FAM13C: variants seen among roughly 807,000 people sequenced by gnomAD.
FAM13C encodes the protein protein FAM13C.
A neutral mutation model predicts 73.2 loss-of-function variants in FAM13C; 37 were observed. The ratio of observed to expected loss-of-function variants is 0.51; its 90% CI spans 0.39 to 0.67. The LOEUF (loss-of-function observed/expected upper bound fraction) is 0.67. FAM13C is among the 30% of genes least tolerant of loss of function. The pLI, the probability that FAM13C is intolerant of heterozygous loss-of-function variation, is 0.00. For missense variants in FAM13C, 589 were observed against 715.6 expected, an observed-to-expected ratio of 0.82 and a Z score of 2.02; for synonymous variants, 246 against 260.9, an observed-to-expected ratio of 0.94 and a Z score of 0.55.
intron 5 of FAM13C, among the ~76,000 whole-genome samples, chr10:59,300,143 G>A (rs1031639104): frequency 1.9e-4 from 29 of 152,232 alleles, no homozygotes; most frequent in African/African-American, 6.7e-4. Context: ...AGAAGACCTC[G>A]GGTCAAGTGC....
intron 6 of FAM13C, among the ~76,000 whole-genome samples, chr10:59,280,799 G>A (rs149561649): frequency 9.9e-4 from 151 of 152,288 alleles, no homozygotes; most frequent in African/African-American, 3.3e-3. Flanking sequence ...TCTCTTACTA[G>A]GTGGAACTGA....
intron 8 of FAM13C, 65 bp downstream of exon 8, chr10:59,268,488 G>A: frequency 6.3e-7 from 1 of 1,588,104 alleles, no homozygotes; most frequent in Non-Finnish European, 8.6e-7. Flanking sequence ...AGGAAGGACA[G>A]AGGCTGAGGA....
At chr10:59,260,559 T>C (rs974807837) in intron 10 of FAM13C, among the ~76,000 whole-genome samples, 13 of 152,192 alleles carry the variant, frequency 8.5e-5, no homozygotes, top group Non-Finnish European at 1.0e-4. Context: ...CTAATCCCTT[T>C]ATCTAAAGTA....
Position 59,336,166 on chromosome 10 carries a change from C to A in FAM13C, c.325-12060G>T, listed in dbSNP as rs371347089. Among the ~76,000 whole-genome samples, 43 of 152,250 alleles carry A rather than the reference C, an allele frequency of 2.8e-4. 1 individual carries two copies. The highest frequency in any genetic ancestry group is 9.4e-4 in the African/African-American group (39 of 41,554). On this transcript the variant is annotated intron_variant, in intron 3 of 13. Transcript: ENST00000618804. ...GCAAAGAGCACAGTAAAATTGTGCT[C>A]AAAAATAATCCAACATGGACTCTTC...
chr10:59,318,903 T>C (rs1344156786), intron 4 of FAM13C, among the ~76,000 whole-genome samples: 2 of 152,170 alleles, frequency 1.3e-5, no homozygotes, highest in South Asian at 4.1e-4. Flanking sequence ...ATCCTAGAAA[T>C]ATGCAGAGAT....
rs964715820 is a variant in FAM13C at position 59,246,284 on chromosome 10, A to G, written c.*1330T>C. Reference sequence around the variant, plus strand: ...ATTTGTAAACCTCAAATAGTTGTGTATCTGTCCTGTTAGAAGTAGATGACT... The same window carrying G: ...ATTTGTAAACCTCAAATAGTTGTGTGTCTGTCCTGTTAGAAGTAGATGACT... On this transcript the variant is annotated 3_prime_UTR_variant, in exon 14 of 14. Transcript: ENST00000618804. 3.0e-5 allele frequency: 5 copies of G among 168,480 alleles called. No individual in the cohort carries two copies. The highest frequency in any genetic ancestry group is 1.2e-4 in the African/African-American group (5 of 42,342). 10.4% of individuals were successfully genotyped at this position (168,480 alleles called of 1,614,324 possible).
At chr10:59,358,478 C>T (rs913858248) in intron 1 of FAM13C, among the ~76,000 whole-genome samples, 10 of 152,198 alleles carry the variant, frequency 6.6e-5, no homozygotes, top group Admixed American at 3.3e-4. Flanking sequence ...CCCCAAGTAC[C>T]GCTTTGTTCC....
chr10:59,267,251 T>A (rs1843166987), intron 8 of FAM13C, among the ~76,000 whole-genome samples: 1 of 152,180 alleles, frequency 6.6e-6, no homozygotes, highest in Admixed American at 6.5e-5. Context: ...GAAATAAACT[T>A]CTCCCAGGAT....
At chr10:59,253,038 G>T in intron 11 of FAM13C, 40 bp from the exon 12 acceptor site, 1 of 1,594,436 alleles carries the variant, frequency 6.3e-7, no homozygotes, top group Non-Finnish European at 8.6e-7. Context: ...GTCATGTAAT[G>T]CTCAGTGCCT....
chr10:59,317,751 A>G (rs1264423766), intron 4 of FAM13C, among the ~76,000 whole-genome samples: 2 of 150,534 alleles, frequency 1.3e-5, no homozygotes, highest in Non-Finnish European at 3.0e-5. Context: ...TTTTTCTTTT[A>G]TTATTATTAT....
chr10:59,290,302 C>T (rs939313733), intron 5 of FAM13C, among the ~76,000 whole-genome samples: 36 of 152,258 alleles, frequency 2.4e-4, no homozygotes, highest in African/African-American at 8.4e-4. Flanking sequence ...ACATTTAGTT[C>T]GTATGAAAGG....
chr10:59,354,002 T>A (rs1263019847), intron 2 of FAM13C, among the ~76,000 whole-genome samples: 1 of 152,184 alleles, frequency 6.6e-6, no homozygotes, highest in African/African-American at 2.4e-5. Flanking sequence ...TTGAAGTACA[T>A]TTTTCTCACT....
chr10:59,282,637 GTGACCTC>G (rs1359727094), intron 6 of FAM13C: 1 of 152,084 alleles, frequency 6.6e-6, no homozygotes, highest in Non-Finnish European at 1.5e-5. Context: ...CTGCAAACTT[GTGACCTC>G]TTTGTTATGT....
chr10:59,319,113 ACACACATT>A lies in FAM13C; in HGVS notation c.443+4867_443+4874del, dbSNP rs1355949237. Among the ~76,000 whole-genome samples, 910 of 139,488 alleles carry A rather than the reference ACACACATT, an allele frequency of 6.5e-3. 5 individuals carry two copies. The highest frequency in any genetic ancestry group is 0.025 in the African/African-American group (862 of 34,380). The allele number at this position is 139,488 out of a possible 152,430, so 91.5% of individuals were successfully genotyped here. A position where few individuals can be genotyped will look rare whatever the true frequency, so the allele number is the denominator to read the frequency against. On this transcript the variant is annotated intron_variant, in intron 4 of 13. Coordinates refer to ENST00000618804, the MANE Select transcript of FAM13C (RefSeq NM_198215.4). ...CACACACACACACACACACACACACACACACATTGTCTATCTCAAAAACAAAAGATGAA... is the reference window on the plus strand; with the variant it reads ...CACACACACACACACACACACACACAGTCTATCTCAAAAACAAAAGATGAA...
chr10:59,354,611 T>C (rs372529771), intron 2 of FAM13C, among the ~76,000 whole-genome samples: 28 of 152,030 alleles, frequency 1.8e-4, no homozygotes, highest in East Asian at 3.9e-4. Flanking sequence ...ATGCCTACCA[T>C]AGAAAGCTGA....
At chr10:59,342,697 C>T (rs565083488) in intron 3 of FAM13C, among the ~76,000 whole-genome samples, 5 of 152,218 alleles carry the variant, frequency 3.3e-5, no homozygotes, top group Non-Finnish European at 4.4e-5. Context: ...CTATGGGGTC[C>T]GAAATTGCAG....
In FAM13C at chr10:59,313,618, T is replaced by A. The variant is rs532935198; in HGVS notation, c.443+10370A>T. On this transcript the variant is annotated intron_variant, in intron 4 of 13. Coordinates refer to ENST00000618804, the MANE Select transcript of FAM13C (RefSeq NM_198215.4). ...AACTGGCAATTCAGTTGAGATTGAG[T>A]TGGGAAACCAACTTGTCCAAGGTAT... is the stretch of plus-strand genomic sequence containing the variant. Among the ~76,000 whole-genome samples the A allele has an allele frequency of 2.0e-5, 3 of 152,126 alleles. No homozygotes were observed. In the East Asian group the frequency reaches 5.8e-4, roughly 29 times the overall value.
intron 2 of FAM13C, 55 bp from the exon 3 acceptor site, chr10:59,352,529 G>T: frequency 2.0e-6 from 3 of 1,488,512 alleles, no homozygotes; most frequent in Non-Finnish European, 1.8e-6. Context: ...TGAATAAACT[G>T]CTGCAGGAAA....
chr10:59,307,808 G>A (rs2133904197), intron 4 of FAM13C, among the ~76,000 whole-genome samples: 1 of 152,264 alleles, frequency 6.6e-6, no homozygotes, highest in South Asian at 2.1e-4. Flanking sequence ...AAGTGTCAAA[G>A]TCTCCTAGAG....
Sources: gnomAD v4.1 joint callset for allele counts (sites outside exome capture counted in the v4.1 genomes callset) on GRCh38, gnomAD v4.1.1 for gene constraint, MANE v1.5 for transcripts, NCBI Gene and HGNC (gene_info 2026-07-23, HGNC 2026-07-21) for gene names.